RB1CC1: variants seen among roughly 807,000 people sequenced by gnomAD.
The protein encoded by RB1CC1 is RB1-inducible coiled-coil protein 1.
A neutral mutation model predicts 177.5 loss-of-function variants in RB1CC1; 46 were observed. The ratio of observed to expected loss-of-function variants is 0.26; its 90% CI spans 0.20 to 0.33. The LOEUF is 0.33. Among genes scored for constraint, RB1CC1 ranks in the 10% least tolerant of loss-of-function variants. RB1CC1 has a pLI of 1.00. For synonymous variants in RB1CC1, 666 were observed against 613.6 expected, an observed-to-expected ratio of 1.09 and a Z score of -1.26; for missense variants, 1,703 against 1,816.3, an observed-to-expected ratio of 0.94 and a Z score of 1.13.
chr8:52,707,208 C>T (rs1049915518), intron 1 of RB1CC1, among the ~76,000 whole-genome samples: 3 of 152,138 alleles, frequency 2.0e-5, no homozygotes, highest in Admixed American at 1.3e-4. Context: ...ACATCAATTA[C>T]TGTTATTAAC....
intron 19 of RB1CC1, 82 bp downstream of exon 19, chr8:52,635,933 T>C: frequency 6.7e-6 from 10 of 1,496,492 alleles, no homozygotes; most frequent in South Asian, 1.2e-5. Context: ...AAATAGTCTA[T>C]TGTATGTTTC....
intron 8 of RB1CC1, among the ~76,000 whole-genome samples, chr8:52,664,262 T>G (rs1851870560): frequency 6.6e-6 from 1 of 152,180 alleles, no homozygotes; most frequent in African/African-American, 2.4e-5. Flanking sequence ...CACACTCAAT[T>G]GAAAACTGTC....
intron 1 of RB1CC1, among the ~76,000 whole-genome samples, chr8:52,705,499 A>G (rs1856463654): frequency 6.6e-6 from 1 of 152,230 alleles, no homozygotes. Context: ...TCTGACAAAA[A>G]TATAAACTGG....
rs541871826 is a variant in RB1CC1, at chr8:52,623,758, G to T, written c.*24C>A. 1.3e-6 allele frequency: 2 copies of T among 1,516,608 alleles called. No individual in the cohort carries two copies. The highest frequency in any genetic ancestry group is 2.3e-5 in the East Asian group (1 of 44,340). 93.9% of individuals were successfully genotyped at this position (1,516,608 alleles called of 1,614,324 possible). ...GGACAAATCAGAAAAAAATGTCATAGAATGTATTAATTTTGTCCATAAGTT... is the reference window on the plus strand; with the variant it reads ...GGACAAATCAGAAAAAAATGTCATATAATGTATTAATTTTGTCCATAAGTT... On this transcript the variant is annotated 3_prime_UTR_variant, in exon 24 of 24. Transcript: ENST00000025008.
chr8:52,642,388 C>T lies in RB1CC1; in HGVS notation c.4300G>A (p.Val1434Met). The T allele has an allele frequency of 6.2e-7, 1 of 1,614,098 alleles. No individual in the cohort carries two copies. The highest frequency in any genetic ancestry group is 8.5e-7 in the Non-Finnish European group (1 of 1,179,974). Residue 1434 changes from valine to methionine, a missense_variant, in exon 18 of 24, where the codon GTG becomes ATG. Around this residue, in one of 6 missense-constraint regions of RB1CC1, gnomAD observed 1,169 missense variants for 1,184.7 expected, o/e 0.99. Transcript: ENST00000025008. ...ATGCTTGTCTCCATTGCTGAATCCA[C>T]TCTTCCTTCATCTGCTGTTTCCACA... ...SAVETADEGR[V>M]DSAMETSMMS...
intron 1 of RB1CC1, among the ~76,000 whole-genome samples, chr8:52,695,619 C>G (rs1187691244): frequency 2.0e-5 from 3 of 152,168 alleles, no homozygotes; most frequent in Non-Finnish European, 4.4e-5. Context: ...AATAAAAACT[C>G]TGGACACCAA....
At chr8:52,675,412 C>A (rs1784379305) in intron 6 of RB1CC1, among the ~76,000 whole-genome samples, 1 of 151,956 alleles carries the variant, frequency 6.6e-6, no homozygotes. Flanking sequence ...AACCTGAACA[C>A]AAAATGCTAA....
chr8:52,637,936 G>T (rs1411795602), intron 18 of RB1CC1, among the ~76,000 whole-genome samples: 2 of 152,152 alleles, frequency 1.3e-5, no homozygotes, highest in African/African-American at 2.4e-5. Flanking sequence ...CTCCCAAAGT[G>T]CTGGGATTAC....
chr8:52,701,920 G>A (rs1314776490), intron 1 of RB1CC1, among the ~76,000 whole-genome samples: 1 of 151,770 alleles, frequency 6.6e-6, no homozygotes, highest in East Asian at 1.9e-4. Flanking sequence ...AATTCTCCCT[G>A]CCTCAGCCTC....
Position 52,661,193 on chromosome 8 carries a change from CTCTT to C in RB1CC1, c.1443_1446del (p.Arg482SerfsTer16), listed in dbSNP as rs1462788014. Reference sequence around the variant, plus strand: ...GTACTAAGAGCTTCAACAATTTTGACTCTTTCTAACAGCTCTATTACGAGGCGGA... The same window carrying C: ...GTACTAAGAGCTTCAACAATTTTGACTCTAACAGCTCTATTACGAGGCGGA... On this transcript the variant is annotated frameshift_variant, in exon 10 of 24. Coordinates refer to ENST00000025008, the MANE Select transcript of RB1CC1 (RefSeq NM_014781.5). LOFTEE classifies it high-confidence loss of function. 1 of 1,613,936 alleles carries C rather than the reference CTCTT, an allele frequency of 6.2e-7. No individual in the cohort carries two copies. Among genetic ancestry groups the C allele is most frequent in the Non-Finnish European group, 8.5e-7 (1 of 1,179,886 alleles).
chr8:52,676,420 A>G lies in RB1CC1; in HGVS notation c.521T>C (p.Ile174Thr). 6.2e-7 allele frequency: 1 copy of G among 1,612,994 alleles called. No individual in the cohort carries two copies. The highest frequency in any genetic ancestry group is 8.5e-7 in the Non-Finnish European group (1 of 1,179,432). The change falls in exon 6 of 24, where the codon ATT (isoleucine) becomes ACT (threonine). Residue 174 changes from isoleucine to threonine, a missense_variant. Transcript: ENST00000025008. The part of the protein sequence containing the change: ...YQKLLFKFES[I>T]YSNYLQSIED... The stretch of plus-strand genomic sequence containing the variant: ...TATGGACTGCAGATAATTTGAATAA[A>G]TACTTTCAAACTTGAAAAGTAGCTT...
intron 15 of RB1CC1, among the ~76,000 whole-genome samples, chr8:52,650,099 G>C (rs1226769804): frequency 6.6e-6 from 1 of 152,094 alleles, no homozygotes; most frequent in Non-Finnish European, 1.5e-5. Context: ...GTTTCTCCTT[G>C]GCAGCTGGCC....
intron 3 of RB1CC1, among the ~76,000 whole-genome samples, 179 bp from the exon 4 acceptor site, chr8:52,684,192 C>CG (rs1854033033): frequency 6.6e-6 from 1 of 152,120 alleles, no homozygotes; most frequent in African/African-American, 2.4e-5. Context: ...TAACAACTGG[C>CG]TGATCTTAGG....
At chr8:52,709,454 T>C (rs908674185) in intron 1 of RB1CC1, among the ~76,000 whole-genome samples, 5 of 152,120 alleles carry the variant, frequency 3.3e-5, no homozygotes, top group Admixed American at 3.3e-4. Flanking sequence ...AAACTTAGAA[T>C]TAGGCCAGAC....
At chr8:52,699,362 C>T (rs1278932429) in intron 1 of RB1CC1, among the ~76,000 whole-genome samples, 1 of 152,196 alleles carries the variant, frequency 6.6e-6, no homozygotes, top group African/African-American at 2.4e-5. Context: ...TCAAAATTTA[C>T]AGGTCAAAAG....
At chr8:52,708,070 C>T (rs1484309853) in intron 1 of RB1CC1, among the ~76,000 whole-genome samples, 4 of 152,112 alleles carry the variant, frequency 2.6e-5, no homozygotes, top group African/African-American at 9.7e-5. Flanking sequence ...AATTAAACTC[C>T]AGCACTCAAG....
At chr8:52,631,121 C>G (rs139280574) in intron 20 of RB1CC1, among the ~76,000 whole-genome samples, 2 of 151,950 alleles carry the variant, frequency 1.3e-5, no homozygotes, top group East Asian at 1.9e-4. Flanking sequence ...GGTAAATGTG[C>G]GATTTGTGAG....
intron 5 of RB1CC1, among the ~76,000 whole-genome samples, chr8:52,678,151 G>A (rs1853319824): frequency 6.6e-6 from 1 of 152,156 alleles, no homozygotes; most frequent in Admixed American, 6.5e-5. Context: ...GGGTGCAGTG[G>A]CTCTCACCTG....
intron 8 of RB1CC1, among the ~76,000 whole-genome samples, chr8:52,666,701 CAAACTG>C (rs1852099130): frequency 6.6e-6 from 1 of 151,830 alleles, no homozygotes; most frequent in Admixed American, 6.6e-5. Flanking sequence ...ACAAAAGAAC[CAAACTG>C]AAACTGTAGA....
Sources: gnomAD v4.1 joint callset for allele counts (sites outside exome capture counted in the v4.1 genomes callset) on GRCh38, gnomAD v4.1.1 for gene constraint, gnomAD v4.1.1 regional missense constraint, MANE v1.5 for transcripts, NCBI Gene and HGNC (gene_info 2026-07-23, HGNC 2026-07-21) for gene names.